The following NBPF15 variants were observed in gnomAD, a reference collection of about 807,000 sequenced individuals.
NBPF15 encodes the protein NBPF family member NBPF15.
Under a neutral mutation model 62.2 loss-of-function variants are expected in NBPF15, and 74 were observed. The observed-to-expected ratio is 1.19, with a 90% CI of 0.99 to 1.44. The LOEUF (loss-of-function observed/expected upper bound fraction) is 1.44, where lower values mean the gene tolerates loss of function less well. Among genes scored for constraint, NBPF15 ranks in the 40% most tolerant of loss-of-function variants. NBPF15 has a pLI of 0.00. For missense variants in NBPF15, 790 were observed against 550.0 expected, an observed-to-expected ratio of 1.44 and a Z score of -4.36; for synonymous variants, 244 against 209.7, an observed-to-expected ratio of 1.16 and a Z score of -1.41.
intron 14 of NBPF15, among the ~76,000 whole-genome samples, chr1:144,429,220 A>C (rs1672373232): frequency 6.7e-6 from 1 of 150,258 alleles, no homozygotes; most frequent in Admixed American, 6.6e-5. Context: ...AGACACAGAA[A>C]ATGGGAATAA....
chr1:144,455,872 C>A (rs1175636198), intron 4 of NBPF15, among the ~76,000 whole-genome samples: 6 of 151,976 alleles, frequency 3.9e-5, no homozygotes, highest in Non-Finnish European at 7.4e-5. Context: ...TAATAGTCAC[C>A]CCATGAATGC....
chr1:144,432,658 C>T (rs1426101828), intron 13 of NBPF15, among the ~76,000 whole-genome samples: 1 of 151,980 alleles, frequency 6.6e-6, no homozygotes, highest in Non-Finnish European at 1.5e-5. Context: ...GGGTTGCAAT[C>T]CTAGTCTCTG....
At position 144,422,735 on chromosome 1, in the gene NBPF15, T is replaced by C. The variant is rs1195877745; in HGVS notation, c.*278A>G. Reference sequence around the variant, plus strand: ...AAAATGAAATCCCTGAGGAATTTTGTAGCTACCCAGAGATACGTGGTTCAA... The same window carrying C: ...AAAATGAAATCCCTGAGGAATTTTGCAGCTACCCAGAGATACGTGGTTCAA... On this transcript the variant is annotated 3_prime_UTR_variant, in exon 22 of 22. Transcript: ENST00000581897. The C allele has an allele frequency of 1.8e-5, 12 of 653,882 alleles. No individual in the cohort carries two copies. The highest frequency in any genetic ancestry group is 2.8e-5 in the Non-Finnish European group (11 of 396,748). 40.5% of individuals were successfully genotyped at this position (653,882 alleles called of 1,614,324 possible). A position where few individuals can be genotyped will look rare whatever the true frequency, so the allele number is the denominator to read the frequency against.
At chr1:144,446,343 AT>A (rs1558615183) in intron 6 of NBPF15, among the ~76,000 whole-genome samples, 2 of 151,468 alleles carry the variant, frequency 1.3e-5, no homozygotes, top group South Asian at 2.1e-4. Flanking sequence ...GATTTCTAGC[AT>A]TGTTAACAAA....
intron 13 of NBPF15, among the ~76,000 whole-genome samples, chr1:144,433,097 C>G (rs28869541): frequency 6.6e-6 from 1 of 151,980 alleles, no homozygotes; most frequent in East Asian, 1.9e-4. Context: ...GAAATCACAA[C>G]AAACTGTCAG....
At chr1:144,453,302 T>A (rs1553545935) in intron 4 of NBPF15, among the ~76,000 whole-genome samples, 2 of 151,484 alleles carry the variant, frequency 1.3e-5, no homozygotes, top group East Asian at 1.9e-4. Flanking sequence ...AATAAATAAA[T>A]CCAGGTATGC....
intron 13 of NBPF15, among the ~76,000 whole-genome samples, chr1:144,432,744 A>T (rs1553540427): frequency 6.6e-6 from 1 of 152,112 alleles, no homozygotes; most frequent in Non-Finnish European, 1.5e-5. Context: ...GGATCAATTC[A>T]ACAAGAGTTA....
chr1:144,444,738 T>C (rs1488223807), intron 6 of NBPF15, among the ~76,000 whole-genome samples: 2 of 151,870 alleles, frequency 1.3e-5, no homozygotes, highest in East Asian at 1.9e-4. Context: ...TTCCAGGCCG[T>C]TTCCCTGTAA....
At chr1:144,425,067 C>CAG (rs1668666321) in intron 19 of NBPF15, among the ~76,000 whole-genome samples, 1 of 114,258 alleles carries the variant, frequency 8.8e-6, no homozygotes, top group Non-Finnish European at 1.8e-5. Context: ...TAGACACACA[C>CAG]ACACACACAC....
chr1:144,457,123 C>T (rs1322247463), intron 3 of NBPF15, among the ~76,000 whole-genome samples: 1 of 151,872 alleles, frequency 6.6e-6, no homozygotes, highest in Non-Finnish European at 1.5e-5. Flanking sequence ...GGTTAGTGAG[C>T]TATGATGGCA....
chr1:144,428,151 G>C (rs1427780225), intron 15 of NBPF15, among the ~76,000 whole-genome samples, 161 bp from the exon 16 acceptor site: 1 of 150,346 alleles, frequency 6.7e-6, no homozygotes, highest in South Asian at 2.1e-4. Flanking sequence ...ATAGACTAGG[G>C]CCAGGTAGAA....
chr1:144,431,878 A>T (rs1417243712), intron 13 of NBPF15, among the ~76,000 whole-genome samples: 1 of 145,062 alleles, frequency 6.9e-6, no homozygotes, highest in Non-Finnish European at 1.5e-5. Flanking sequence ...ACATTTTCTT[A>T]ATCCAGTCTA....
At chr1:144,445,844 T>C (rs1452362419) in intron 6 of NBPF15, among the ~76,000 whole-genome samples, 1 of 147,088 alleles carries the variant, frequency 6.8e-6, no homozygotes, top group African/African-American at 2.5e-5. Flanking sequence ...ATAAATTTTG[T>C]TGACTTTCCT....
chr1:144,428,658 C>A lies in NBPF15; in HGVS notation c.989-1G>T, dbSNP rs1671795829. On this transcript the variant is annotated splice_acceptor_variant, in intron 14 of 21. Coordinates refer to ENST00000581897, the MANE Select transcript of NBPF15 (RefSeq NM_001385408.1). LOFTEE classifies it high-confidence loss of function. ...TTTTTCACTTGATCCCACCGATGTCCTGCAAATAAATTCAGATGGGCCCTC... is the reference window on the plus strand; with the variant it reads ...TTTTTCACTTGATCCCACCGATGTCATGCAAATAAATTCAGATGGGCCCTC... 1 of 914,382 alleles carries A rather than the reference C, an allele frequency of 1.1e-6. No homozygotes were observed. Among genetic ancestry groups the A allele is most frequent in the Non-Finnish European group, 1.8e-6 (1 of 552,752 alleles). The allele number at this position is 914,382 out of a possible 1,614,324, so 56.6% of individuals were successfully genotyped here.
At chr1:144,448,337 G>A (rs1316981469) in intron 6 of NBPF15, among the ~76,000 whole-genome samples, 1 of 151,998 alleles carries the variant, frequency 6.6e-6, no homozygotes, top group Non-Finnish European at 1.5e-5. Context: ...TTTGTCTACT[G>A]TGTCCAGACA....
intron 4 of NBPF15, among the ~76,000 whole-genome samples, chr1:144,455,878 A>T (rs1477685792): frequency 4.6e-5 from 7 of 152,020 alleles, no homozygotes; most frequent in African/African-American, 1.7e-4. Flanking sequence ...TCACCCCATG[A>T]ATGCTCAGTG....
At chr1:144,455,482 G>T (rs1693899779) in intron 4 of NBPF15, among the ~76,000 whole-genome samples, 1 of 151,828 alleles carries the variant, frequency 6.6e-6, no homozygotes, top group African/African-American at 2.4e-5. Flanking sequence ...TATTCCTCTG[G>T]CCCACTGTTG....
At position 144,428,671 on chromosome 1, in the gene NBPF15, C is replaced by G; in HGVS notation, c.989-14G>C. On this transcript the variant is annotated splice_polypyrimidine_tract_variant and intron_variant, in intron 14 of 21. Transcript: ENST00000581897. ...CCCACCGATGTCCTGCAAATAAATT[C>G]AGATGGGCCCTCTTACATTAAGCAG... 1 of 923,418 alleles carries G rather than the reference C, an allele frequency of 1.1e-6. No homozygotes were observed. Among genetic ancestry groups the G allele is most frequent in the South Asian group, 1.3e-5 (1 of 78,064 alleles). The allele number at this position is 923,418 out of a possible 1,614,324, so 57.2% of individuals were successfully genotyped here.
At chr1:144,444,522 G>T (rs1337372262) in intron 6 of NBPF15, among the ~76,000 whole-genome samples, 2 of 151,620 alleles carry the variant, frequency 1.3e-5, no homozygotes, top group African/African-American at 2.4e-5. Context: ...GACAAGATAA[G>T]GGCCCCCAGC....
Sources: gnomAD v4.1 joint callset for allele counts (sites outside exome capture counted in the v4.1 genomes callset) on GRCh38, gnomAD v4.1.1 for gene constraint, MANE v1.5 for transcripts, NCBI Gene and HGNC (gene_info 2026-07-23, HGNC 2026-07-21) for gene names.